Variants in BCKDHB observed in about 807,000 individuals in gnomAD.
The protein encoded by BCKDHB is branched chain keto acid dehydrogenase E1 subunit beta.
BCKDHB carries 41 observed loss-of-function variants against 48.5 expected under a neutral mutation model. The observed-to-expected ratio is 0.85, with a 90% CI of 0.66 to 1.10. BCKDHB has a LOEUF of 1.10. BCKDHB is among the 50% of genes least tolerant of loss of function. The probability of loss-of-function intolerance (pLI) is 0.00; values close to 1 mark genes in which losing one functional copy is unlikely to be tolerated. For missense variants in BCKDHB, 496 were observed against 494.2 expected (o/e 1.00, Z -0.03); for synonymous variants, 201 against 174.8 (o/e 1.15, Z -1.18).
At chr6:80,149,353 A>G (rs186913148) in intron 3 of BCKDHB, among the ~76,000 whole-genome samples, 1 of 152,266 alleles carries the variant, frequency 6.6e-6, no homozygotes, top group East Asian at 1.9e-4. Flanking sequence ...GAAATAGAAC[A>G]CTTTTATACT....
chr6:80,232,214 A>G (rs949725751), intron 8 of BCKDHB, among the ~76,000 whole-genome samples: 21 of 151,862 alleles, frequency 1.4e-4, no homozygotes, highest in African/African-American at 4.8e-4. Context: ...TTACTGGTAG[A>G]CTGTCACCTG....
the BCKDHB span, among the ~76,000 whole-genome samples, chr6:80,360,832 C>G: frequency 1.3e-5 from 2 of 151,700 alleles, no homozygotes; most frequent in East Asian, 3.9e-4. Context: ...ATGGTGAAAC[C>G]CGTCTCTACT....
rs958746076 is a variant in BCKDHB, at chr6:80,251,167, T to C, written c.952-21968T>C. On this transcript the variant is annotated intron_variant, in intron 8 of 9. Coordinates refer to ENST00000320393, the MANE Select transcript of BCKDHB (RefSeq NM_183050.4). ...TGGTAAGCTTGGGAATTCTATTTTG[T>C]TTTGCTGTTTAAAAACCTAGGCCTC... Among the ~76,000 whole-genome samples the C allele has an allele frequency of 1.3e-5, 2 of 152,274 alleles. 1 individual carries two copies. Among genetic ancestry groups the C allele is most frequent in the South Asian group, 4.1e-4 (2 of 4,824 alleles).
chr6:80,257,548 G>A (rs561150921), intron 8 of BCKDHB, among the ~76,000 whole-genome samples: 2 of 151,830 alleles, frequency 1.3e-5, no homozygotes, highest in Non-Finnish European at 2.9e-5. Context: ...AGAATCAAAA[G>A]GAGATAGATA....
intron 6 of BCKDHB, among the ~76,000 whole-genome samples, chr6:80,196,953 G>A: frequency 6.6e-6 from 1 of 152,066 alleles, no homozygotes; most frequent in East Asian, 1.9e-4. Context: ...TGTTCATTTT[G>A]TCACTATTTA....
In BCKDHB at chr6:80,280,655, A is replaced by G. The variant is rs188036472; in HGVS notation, c.1038+7434A>G. 2.9e-3 allele frequency among the ~76,000 whole-genome samples: 449 copies of G among 152,308 alleles called. 1 individual carries two copies. The highest frequency in any genetic ancestry group is 0.01 in the African/African-American group (434 of 41,562). ...AAAATATGTATATAAATAAAAATATATATCATCTAGGTTTGTGAAAGTATA... is the reference window on the plus strand; with the variant it reads ...AAAATATGTATATAAATAAAAATATGTATCATCTAGGTTTGTGAAAGTATA... On this transcript the variant is annotated intron_variant, in intron 9 of 9. Coordinates refer to ENST00000320393, the MANE Select transcript of BCKDHB (RefSeq NM_183050.4).
the BCKDHB span, among the ~76,000 whole-genome samples, chr6:80,423,114 G>A: frequency 2.6e-5 from 4 of 152,170 alleles, no homozygotes; most frequent in East Asian, 5.8e-4. Context: ...CGTGGTTTCT[G>A]CCATGCTATT....
intron 8 of BCKDHB, among the ~76,000 whole-genome samples, chr6:80,212,595 G>C (rs1461990279): frequency 2.6e-5 from 4 of 152,136 alleles, no homozygotes; most frequent in African/African-American, 9.7e-5. Flanking sequence ...ATAATTATCA[G>C]AGTGGTCCTG....
At chr6:80,302,445 T>G (rs925673352) in intron 9 of BCKDHB, among the ~76,000 whole-genome samples, 1 of 152,204 alleles carries the variant, frequency 6.6e-6, no homozygotes, top group Non-Finnish European at 1.5e-5. Flanking sequence ...GAGGATGCTT[T>G]CCTTTTGCAA....
chr6:80,310,409 A>G (rs777147134), intron 9 of BCKDHB, among the ~76,000 whole-genome samples: 1 of 152,182 alleles, frequency 6.6e-6, no homozygotes. Context: ...AGCTCCATCC[A>G]TGTCCCTGCA....
chr6:80,278,864 G>A (rs1490855684), intron 9 of BCKDHB, among the ~76,000 whole-genome samples: 1 of 152,098 alleles, frequency 6.6e-6, no homozygotes, highest in Non-Finnish European at 1.5e-5. Context: ...CCATTTGCAT[G>A]GTTACTCTTG....
At chr6:80,229,483 A>G (rs1352646235) in intron 8 of BCKDHB, among the ~76,000 whole-genome samples, 5 of 152,230 alleles carry the variant, frequency 3.3e-5, no homozygotes, top group African/African-American at 1.2e-4. Flanking sequence ...TAGTCGGGTA[A>G]GCAAAGATTG....
intron 8 of BCKDHB, among the ~76,000 whole-genome samples, chr6:80,259,217 C>T (rs1052850035): frequency 9.9e-5 from 15 of 152,216 alleles, no homozygotes; most frequent in African/African-American, 3.1e-4. Context: ...CTTTCTTCAG[C>T]CATTCCTCCC....
chr6:80,297,981 T>TC (rs1767344979), intron 9 of BCKDHB, among the ~76,000 whole-genome samples: 1 of 152,072 alleles, frequency 6.6e-6, no homozygotes, highest in Non-Finnish European at 1.5e-5. Flanking sequence ...GATTTTTTTT[T>TC]TCCCCCAAAA....
intron 8 of BCKDHB, among the ~76,000 whole-genome samples, chr6:80,221,263 TCA>T (rs993977716): frequency 6.6e-5 from 10 of 152,184 alleles, no homozygotes; most frequent in Non-Finnish European, 1.2e-4. Context: ...TATATTTTCA[TCA>T]CACACCCACA....
At chr6:80,127,724 C>A in intron 2 of BCKDHB, 100 bp downstream of exon 2, 1 of 1,082,410 alleles carries the variant, frequency 9.2e-7, no homozygotes, top group South Asian at 1.2e-5. Flanking sequence ...AACATTGTAT[C>A]TACCTGACAT....
intron 6 of BCKDHB, among the ~76,000 whole-genome samples, chr6:80,182,258 C>G (rs976102923): frequency 1.3e-5 from 2 of 152,154 alleles, no homozygotes; most frequent in Non-Finnish European, 2.9e-5. Flanking sequence ...GGTGTTCAGT[C>G]AACTGACAGT....
the BCKDHB span, among the ~76,000 whole-genome samples, chr6:80,464,135 A>G: frequency 6.6e-6 from 1 of 151,796 alleles, no homozygotes; most frequent in Admixed American, 6.6e-5. Flanking sequence ...TATTATTATT[A>G]TTATTCTTTT....
At chr6:80,212,878 T>C (rs1483150981) in intron 8 of BCKDHB, among the ~76,000 whole-genome samples, 1 of 152,172 alleles carries the variant, frequency 6.6e-6, no homozygotes, top group Non-Finnish European at 1.5e-5. Context: ...TCCTTTCACC[T>C]TTTCCTTCTT....
Sources: allele counts gnomAD v4.1 joint callset (sites outside exome capture counted in the v4.1 genomes callset), GRCh38; gene constraint gnomAD v4.1.1; transcripts MANE v1.5; gene names NCBI Gene and HGNC (gene_info 2026-07-23, HGNC 2026-07-21).